The following TASP1 variants were observed in gnomAD, a reference collection of about 807,000 sequenced individuals.
TASP1 encodes the protein threonine aspartase 1.
Under a neutral mutation model 56.6 loss-of-function variants are expected in TASP1, and 16 were observed. The observed-to-expected ratio is 0.28, with a 90% CI of 0.19 to 0.43. TASP1 has a LOEUF of 0.43. Among genes scored for constraint, TASP1 ranks in the 20% least tolerant of loss-of-function variants. The pLI, the probability that TASP1 is intolerant of heterozygous loss-of-function variation, is 1.00. For synonymous variants in TASP1, 179 were observed against 184.2 expected, an observed-to-expected ratio of 0.97 and a Z score of 0.23; for missense variants, 393 against 511.6, an observed-to-expected ratio of 0.77 and a Z score of 2.24.
At chr20:13,255,677 CA>C in the TASP1 span, among the ~76,000 whole-genome samples, 1 of 152,318 alleles carries the variant, frequency 6.6e-6, no homozygotes, top group African/African-American at 2.4e-5. Flanking sequence ...ATATGAATTA[CA>C]ACAAGTCATT....
chr20:13,620,752 C>T (rs761383040), intron 4 of TASP1, among the ~76,000 whole-genome samples: 9 of 152,176 alleles, frequency 5.9e-5, no homozygotes, highest in Non-Finnish European at 8.8e-5. Flanking sequence ...GTTAATACAG[C>T]TCTCCAGAAT....
chr20:13,538,592 T>G (rs1345420209), intron 8 of TASP1, among the ~76,000 whole-genome samples: 3 of 152,120 alleles, frequency 2.0e-5, no homozygotes, highest in Non-Finnish European at 4.4e-5. Context: ...AGTACAATAA[T>G]GCCATCATAA....
At chr20:13,294,581 G>A in the TASP1 span, among the ~76,000 whole-genome samples, 1 of 152,140 alleles carries the variant, frequency 6.6e-6, no homozygotes, top group African/African-American at 2.4e-5. Flanking sequence ...TAGACATGGT[G>A]TCTCAGTCAG....
the TASP1 span, among the ~76,000 whole-genome samples, chr20:13,365,344 T>G: frequency 6.6e-6 from 1 of 152,198 alleles, no homozygotes; most frequent in East Asian, 1.9e-4. Flanking sequence ...TCACGGAGCA[T>G]ATACTCTAAT....
chr20:13,156,832 A>G, the TASP1 span, among the ~76,000 whole-genome samples: 15 of 152,344 alleles, frequency 9.8e-5, no homozygotes, highest in African/African-American at 3.6e-4. Flanking sequence ...GCAAGGTTGA[A>G]TCACCACGGT....
At chr20:13,126,707 G>A in the TASP1 span, 7 of 1,613,874 alleles carry the variant, frequency 4.3e-6, no homozygotes, top group Non-Finnish European at 5.9e-6. Context: ...GACTGGATGG[G>A]ACCACTCAAG....
At chr20:13,468,249 C>T (rs1312978295) in intron 11 of TASP1, among the ~76,000 whole-genome samples, 3 of 152,048 alleles carry the variant, frequency 2.0e-5, no homozygotes, top group African/African-American at 7.2e-5. Flanking sequence ...AACTAAAAAT[C>T]AACTCAGAAG....
chr20:13,260,139 C>A, the TASP1 span, among the ~76,000 whole-genome samples: 1 of 152,232 alleles, frequency 6.6e-6, no homozygotes, highest in Non-Finnish European at 1.5e-5. Flanking sequence ...CAGGAACAAT[C>A]TGTACAGGCA....
At chr20:13,121,688 T>C in the TASP1 span, among the ~76,000 whole-genome samples, 110,391 of 152,012 alleles carry the variant, frequency 0.73, 40,439 homozygotes, top group African/African-American at 0.82. Flanking sequence ...GAGGGGGAAT[T>C]AGTAGCCAGG....
chr20:13,233,316 C>T, the TASP1 span, among the ~76,000 whole-genome samples: 1 of 152,036 alleles, frequency 6.6e-6, no homozygotes, highest in African/African-American at 2.4e-5. Flanking sequence ...GGAGATCCTG[C>T]CGGGCGCGGT....
intron 13 of TASP1, among the ~76,000 whole-genome samples, chr20:13,405,713 ATT>A (rs1278098247): frequency 1.1e-4 from 15 of 136,538 alleles, no homozygotes; most frequent in African/African-American, 1.1e-4. Flanking sequence ...TGCCCAGCTA[ATT>A]TTTTTTTTTT....
chr20:13,600,723 C>T (rs955489848), intron 4 of TASP1: 1 of 152,078 alleles, frequency 6.6e-6, no homozygotes, highest in Non-Finnish European at 1.5e-5. Context: ...AATTTTATCA[C>T]TTTACTGTTC....
At chr20:13,119,442 G>A in the TASP1 span, among the ~76,000 whole-genome samples, 3 of 152,106 alleles carry the variant, frequency 2.0e-5, no homozygotes, top group Admixed American at 6.5e-5. Context: ...AGATGTAGGC[G>A]TTCTTGTCCA....
At chr20:13,185,926 G>T in the TASP1 span, among the ~76,000 whole-genome samples, 1 of 152,068 alleles carries the variant, frequency 6.6e-6, no homozygotes, top group Admixed American at 6.5e-5. Flanking sequence ...ACTTTTCTTG[G>T]GCTCATCAGA....
At chr20:13,471,397 T>C (rs971798604) in intron 11 of TASP1, among the ~76,000 whole-genome samples, 22 of 152,224 alleles carry the variant, frequency 1.4e-4, no homozygotes, top group Non-Finnish European at 2.5e-4. Context: ...TGCCATTCTC[T>C]CTACATGTCC....
At chr20:13,484,880 A>C (rs1302949590) in intron 10 of TASP1, among the ~76,000 whole-genome samples, 2 of 152,154 alleles carry the variant, frequency 1.3e-5, no homozygotes, top group Non-Finnish European at 2.9e-5. Flanking sequence ...TAACACAGGA[A>C]CAGAAAACTA....
At chr20:13,566,026 C>T (rs2046516045) in intron 7 of TASP1, among the ~76,000 whole-genome samples, 1 of 152,146 alleles carries the variant, frequency 6.6e-6, no homozygotes, top group African/African-American at 2.4e-5. Flanking sequence ...AAAAGAAATT[C>T]TGACACATGC....
the TASP1 span, among the ~76,000 whole-genome samples, chr20:13,150,422 G>A: frequency 3.3e-5 from 5 of 152,204 alleles, no homozygotes; most frequent in East Asian, 1.9e-4. Context: ...TGTTCACATT[G>A]CAGATTTAGA....
At chr20:13,370,227 A>C in the TASP1 span, among the ~76,000 whole-genome samples, 1 of 152,232 alleles carries the variant, frequency 6.6e-6, no homozygotes, top group Non-Finnish European at 1.5e-5. Context: ...CAGCAAAGAA[A>C]TATAAGATAC....
Sources: gnomAD v4.1 joint callset for allele counts (sites outside exome capture counted in the v4.1 genomes callset) on GRCh38, gnomAD v4.1.1 for gene constraint, MANE v1.5 for transcripts, NCBI Gene and HGNC (gene_info 2026-07-23, HGNC 2026-07-21) for gene names.